Variants in DKK3 observed in about 807,000 individuals in gnomAD.
DKK3 encodes dickkopf-related protein 3.
DKK3 carries 22 observed loss-of-function variants against 33.2 expected under a neutral mutation model. The ratio of observed to expected loss-of-function variants is 0.66; its 90% CI spans 0.47 to 0.95. DKK3 has a LOEUF of 0.95. DKK3 is among the 40% of genes least tolerant of loss of function. DKK3 has a pLI of 0.00. For missense variants in DKK3, 398 were observed against 458.4 expected (o/e 0.87, Z 1.20); for synonymous variants, 194 against 188.8 (o/e 1.03, Z -0.23).
chr11:11,993,847 A>C (rs1590541596), intron 3 of DKK3, among the ~76,000 whole-genome samples: 1 of 152,222 alleles, frequency 6.6e-6, no homozygotes, highest in South Asian at 2.1e-4. Flanking sequence ...TGCAGAAACC[A>C]GTATCACCCC....
chr11:12,004,438 C>A (rs930303339), intron 1 of DKK3, among the ~76,000 whole-genome samples: 1 of 152,138 alleles, frequency 6.6e-6, no homozygotes, highest in Non-Finnish European at 1.5e-5. Flanking sequence ...TGGGTAGGGA[C>A]CTTCTAGGTG....
chr11:11,981,883 T>C (rs765109673), intron 3 of DKK3, among the ~76,000 whole-genome samples: 1 of 150,832 alleles, frequency 6.6e-6, no homozygotes, highest in African/African-American at 2.5e-5. Context: ...TTATCATCCA[T>C]GGCTAGGCAG....
chr11:11,981,247 T>G (rs893537573), intron 3 of DKK3, among the ~76,000 whole-genome samples: 1 of 152,176 alleles, frequency 6.6e-6, no homozygotes, highest in Non-Finnish European at 1.5e-5. Context: ...GCCACCATAT[T>G]GTGAGGAAGT....
Position 11,967,025 on chromosome 11 carries a change from CT to C in DKK3, c.601del (p.Arg201GlyfsTer56). 1 of 1,614,072 alleles carries C rather than the reference CT, an allele frequency of 6.2e-7. No individual in the cohort carries two copies. Among genetic ancestry groups the C allele is most frequent in the Non-Finnish European group, 8.5e-7 (1 of 1,180,028 alleles). ...GTCACAGATGGTCCCATTGCTGCCCCTGGTGGCCATTTTGGTGCAGTGACCC... is the reference window on the plus strand; with the variant it reads ...GTCACAGATGGTCCCATTGCTGCCCCGGTGGCCATTTTGGTGCAGTGACCC... ...VWGHCTKMAT[R>X]GSNGTICDNQ... On this transcript the variant is annotated frameshift_variant, in exon 5 of 7. Transcript: ENST00000683431. LOFTEE classifies it high-confidence loss of function.
At chr11:11,979,135 TGAC>T (rs749245677) in intron 3 of DKK3, 9 of 152,376 alleles carry the variant, frequency 5.9e-5, no homozygotes, top group Non-Finnish European at 5.9e-5. Context: ...CTCCCCAGCC[TGAC>T]TTTTCCCATC....
At chr11:11,982,277 C>T (rs1847971037) in intron 3 of DKK3, among the ~76,000 whole-genome samples, 1 of 107,430 alleles carries the variant, frequency 9.3e-6, no homozygotes, top group South Asian at 3.7e-4. Context: ...AACAAGCCCT[C>T]CTAGGGGAGA....
At chr11:11,976,035 A>C (rs1277927217) in intron 3 of DKK3, among the ~76,000 whole-genome samples, 2 of 151,974 alleles carry the variant, frequency 1.3e-5, no homozygotes, top group African/African-American at 4.8e-5. Flanking sequence ...GCCTCCACCC[A>C]CTCTACCCCT....
intron 3 of DKK3, among the ~76,000 whole-genome samples, chr11:11,970,538 G>C (rs1244459519): frequency 3.3e-5 from 5 of 152,228 alleles, no homozygotes; most frequent in African/African-American, 1.2e-4. Context: ...GAACCTGTGG[G>C]TATGTTATAT....
At chr11:11,973,081 C>A (rs934304052) in intron 3 of DKK3, among the ~76,000 whole-genome samples, 2 of 152,184 alleles carry the variant, frequency 1.3e-5, no homozygotes, top group African/African-American at 4.8e-5. Flanking sequence ...AAAGGCACAT[C>A]AAAAAGCACT....
chr11:11,970,049 C>T (rs556375861), intron 3 of DKK3, among the ~76,000 whole-genome samples: 11 of 152,210 alleles, frequency 7.2e-5, no homozygotes, highest in Non-Finnish European at 1.0e-4. Flanking sequence ...GCCCAGCACA[C>T]GCTCTTGTGC....
At chr11:11,982,769 G>C (rs1445176002) in intron 3 of DKK3, among the ~76,000 whole-genome samples, 11 of 152,214 alleles carry the variant, frequency 7.2e-5, no homozygotes, top group Non-Finnish European at 1.3e-4. Flanking sequence ...GGCCTCCTGG[G>C]GTGGCCAGAG....
intron 4 of DKK3, 92 bp downstream of exon 4, chr11:11,968,303 G>A: frequency 8.2e-7 from 1 of 1,213,432 alleles, no homozygotes; most frequent in South Asian, 1.5e-5. Flanking sequence ...GCTCTTCTGG[G>A]AAGCCCAGCT....
chr11:11,995,010 T>C (rs1848261668), intron 3 of DKK3, among the ~76,000 whole-genome samples: 1 of 152,206 alleles, frequency 6.6e-6, no homozygotes, highest in Non-Finnish European at 1.5e-5. Context: ...AGGAAGTCAC[T>C]GGGTCACTCA....
chr11:11,998,371 C>A, intron 3 of DKK3: 1 of 426,152 alleles, frequency 2.3e-6, no homozygotes, highest in East Asian at 5.0e-5. Flanking sequence ...GATTTCACCA[C>A]CTGATATACC....
intron 3 of DKK3, among the ~76,000 whole-genome samples, chr11:11,971,199 T>C (rs758326868): frequency 4.9e-4 from 75 of 152,194 alleles, no homozygotes; most frequent in Non-Finnish European, 9.7e-4. Context: ...TTATATTATT[T>C]ATAATCCAGA....
intron 3 of DKK3, among the ~76,000 whole-genome samples, chr11:11,984,355 G>A (rs548937409): frequency 6.6e-6 from 1 of 152,282 alleles, no homozygotes; most frequent in East Asian, 1.9e-4. Flanking sequence ...TAAGTGCTGA[G>A]CATAAATGCT....
chr11:11,999,153 G>A (rs756014614), intron 2 of DKK3, among the ~76,000 whole-genome samples: 47 of 152,180 alleles, frequency 3.1e-4, no homozygotes, highest in Non-Finnish European at 5.6e-4. Flanking sequence ...CAAATTACAA[G>A]TCCGGGTGTC....
intron 3 of DKK3, among the ~76,000 whole-genome samples, chr11:11,996,555 C>T (rs950581722): frequency 6.6e-6 from 1 of 152,224 alleles, no homozygotes; most frequent in Non-Finnish European, 1.5e-5. Flanking sequence ...ATCTGTTCTC[C>T]AAAGCCCTGT....
At chr11:11,992,710 A>C (rs1313577988) in intron 3 of DKK3, among the ~76,000 whole-genome samples, 1 of 152,210 alleles carries the variant, frequency 6.6e-6, no homozygotes, top group East Asian at 1.9e-4. Flanking sequence ...TAAAATTTAC[A>C]GTTCTCAAAC....
Sources: gnomAD v4.1 joint callset for allele counts (sites outside exome capture counted in the v4.1 genomes callset) on GRCh38, gnomAD v4.1.1 for gene constraint, MANE v1.5 for transcripts, NCBI Gene and HGNC (gene_info 2026-07-23, HGNC 2026-07-21) for gene names.